Variants in TRDN observed in about 807,000 individuals in gnomAD.
TRDN encodes triadin.
A neutral mutation model predicts 149.7 loss-of-function variants in TRDN; 161 were observed. The ratio of observed to expected loss-of-function variants is 1.08; its 90% CI spans 0.95 to 1.23. The LOEUF (loss-of-function observed/expected upper bound fraction) is 1.23. Ranked by LOEUF, TRDN falls within the 50% of genes most tolerant of loss-of-function variation. TRDN has a pLI of 0.00. For synonymous variants in TRDN, 294 were observed against 250.5 expected (o/e 1.17, Z -1.64); for missense variants, 896 against 823.5 (o/e 1.09, Z -1.08).
intron 21 of TRDN, among the ~76,000 whole-genome samples, chr6:123,348,713 A>G (rs1423960999): frequency 1.3e-5 from 2 of 152,156 alleles, no homozygotes; most frequent in Non-Finnish European, 2.9e-5. Context: ...CTTCAGCATA[A>G]TAGCAGGAGT....
chr6:123,305,127 A>C (rs966530090), intron 24 of TRDN, among the ~76,000 whole-genome samples: 9 of 152,194 alleles, frequency 5.9e-5, no homozygotes, highest in African/African-American at 2.2e-4. Flanking sequence ...CTTCAATTAA[A>C]ATGTCACATT....
chr6:123,262,678 T>C (rs893845917), intron 33 of TRDN, among the ~76,000 whole-genome samples: 3 of 152,114 alleles, frequency 2.0e-5, no homozygotes, highest in Non-Finnish European at 1.5e-5. Flanking sequence ...TGGTGTAATT[T>C]TTCCAATGGC....
chr6:123,352,518 A>G (rs780829498), intron 21 of TRDN, 21 bp downstream of exon 21: 3 of 1,606,376 alleles, frequency 1.9e-6, no homozygotes, highest in Non-Finnish European at 1.7e-6. Context: ...GATAATGTCA[A>G]CCTCCTTCAT....
chr6:123,304,636 T>C (rs1778545272), intron 24 of TRDN, among the ~76,000 whole-genome samples: 1 of 152,146 alleles, frequency 6.6e-6, no homozygotes, highest in Non-Finnish European at 1.5e-5. Context: ...TCTCTTGTGT[T>C]AACTTATTTA....
chr6:123,226,300 A>G (rs1582742406), intron 38 of TRDN, among the ~76,000 whole-genome samples: 1 of 151,888 alleles, frequency 6.6e-6, no homozygotes, highest in Admixed American at 6.6e-5. Flanking sequence ...CAGTTCCTAA[A>G]CAAATCAAAT....
chr6:123,280,640 C>T (rs957266197), intron 24 of TRDN, among the ~76,000 whole-genome samples: 12 of 132,964 alleles, frequency 9.0e-5, no homozygotes, highest in Non-Finnish European at 9.4e-5. Flanking sequence ...TTTTGTTCCT[C>T]TTCTTTTCTT....
At chr6:123,572,585 A>G (rs73770185) in intron 1 of TRDN, among the ~76,000 whole-genome samples, 2,017 of 152,220 alleles carry the variant, frequency 0.013, 44 homozygotes, top group African/African-American at 0.046. Context: ...CAGACCTACT[A>G]GAAAATTAAA....
At chr6:123,255,054 CATA>C (rs1228852523) in intron 37 of TRDN, 24 bp downstream of exon 37, 1 of 1,244,242 alleles carries the variant, frequency 8.0e-7, no homozygotes, top group Non-Finnish European at 1.1e-6. Flanking sequence ...TTCATACAAA[CATA>C]GTAGTTACGT....
intron 2 of TRDN, among the ~76,000 whole-genome samples, chr6:123,565,615 C>T (rs1197033444): frequency 6.6e-6 from 1 of 152,066 alleles, no homozygotes; most frequent in African/African-American, 2.4e-5. Context: ...TTGGAAGGCA[C>T]GAATGTGGCA....
At chr6:123,505,927 C>T (rs988495025) in intron 7 of TRDN, among the ~76,000 whole-genome samples, 5 of 152,060 alleles carry the variant, frequency 3.3e-5, no homozygotes. Flanking sequence ...ATCTTTGTGG[C>T]TTCTGTAACT....
At chr6:123,312,135 G>A (rs908412023) in intron 24 of TRDN, among the ~76,000 whole-genome samples, 1 of 151,934 alleles carries the variant, frequency 6.6e-6, no homozygotes, top group African/African-American at 2.4e-5. Context: ...TTTTACAACA[G>A]GGACCCTTAC....
At chr6:123,242,734 G>T (rs556386640) in intron 38 of TRDN, among the ~76,000 whole-genome samples, 1 of 152,178 alleles carries the variant, frequency 6.6e-6, no homozygotes, top group East Asian at 1.9e-4. Flanking sequence ...GCCAGGAGAA[G>T]CTCTGGAATA....
At chr6:123,282,558 A>AT (rs1465605049) in intron 24 of TRDN, among the ~76,000 whole-genome samples, 2 of 151,920 alleles carry the variant, frequency 1.3e-5, no homozygotes, top group Non-Finnish European at 2.9e-5. Flanking sequence ...TGAGATAAAC[A>AT]TATCAAAAAC....
Position 123,284,101 on chromosome 6 carries a change from G to A in TRDN, c.1511-5019C>T, listed in dbSNP as rs566144820. 1.9e-3 allele frequency among the ~76,000 whole-genome samples: 254 copies of A among 131,154 alleles called. 1 individual carries two copies. Among genetic ancestry groups the A allele is most frequent in the Non-Finnish European group, 2.6e-3 (159 of 62,028 alleles). 86.0% of individuals were successfully genotyped at this position (131,154 alleles called of 152,430 possible). ...ACTCTTGCCCCCCCCCCAAAAATTG[G>A]TACCAATTCTGTTGACATTATTCGA... is the stretch of plus-strand genomic sequence containing the variant. On this transcript the variant is annotated intron_variant, in intron 24 of 40. Coordinates refer to ENST00000334268, the MANE Select transcript of TRDN (RefSeq NM_006073.4).
intron 2 of TRDN, among the ~76,000 whole-genome samples, chr6:123,559,077 C>T (rs1263364577): frequency 6.6e-6 from 1 of 152,228 alleles, no homozygotes; most frequent in South Asian, 2.1e-4. Flanking sequence ...TGACTCCTTC[C>T]CAGATCTTCT....
At chr6:123,272,426 A>G (rs1777235051) in intron 29 of TRDN, among the ~76,000 whole-genome samples, 1 of 151,882 alleles carries the variant, frequency 6.6e-6, no homozygotes, top group South Asian at 2.1e-4. Context: ...TTGATAAATT[A>G]TGTATCTTTT....
rs200250112 is a variant in TRDN at position 123,590,762 on chromosome 6, C to CA, written c.23-19631dup. 8.5e-3 allele frequency among the ~76,000 whole-genome samples: 1,292 copies of CA among 151,318 alleles called. 16 individuals carry two copies. Among genetic ancestry groups the CA allele is most frequent in the African/African-American group, 0.03 (1,219 of 41,256 alleles). ...TGGGCGAAAGAGTGAGACTCTGTCT[C>CA]AAAAAAAATAATAATGATAGTAGTA... On this transcript the variant is annotated intron_variant, in intron 1 of 40. Transcript: ENST00000334268.
At chr6:123,431,314 T>C (rs952157551) in intron 12 of TRDN, among the ~76,000 whole-genome samples, 1 of 152,164 alleles carries the variant, frequency 6.6e-6, no homozygotes, top group East Asian at 1.9e-4. Context: ...TTTTTACTTA[T>C]CTGAATGAAT....
chr6:123,342,213 A>T (rs1193311658), intron 21 of TRDN, among the ~76,000 whole-genome samples: 1 of 151,958 alleles, frequency 6.6e-6, no homozygotes, highest in Non-Finnish European at 1.5e-5. Flanking sequence ...ATATTTAAAG[A>T]TATAAAAACA....
Sources: allele counts gnomAD v4.1 joint callset (sites outside exome capture counted in the v4.1 genomes callset), GRCh38; gene constraint gnomAD v4.1.1; transcripts MANE v1.5; gene names NCBI Gene and HGNC (gene_info 2026-07-23, HGNC 2026-07-21).